GNAQ: variants seen among roughly 807,000 people sequenced by gnomAD.
GNAQ encodes G protein subunit alpha q.
GNAQ carries 8 observed loss-of-function variants against 43.9 expected under a neutral mutation model. The observed-to-expected ratio is 0.18, with a 90% confidence interval of 0.11 to 0.33. The LOEUF (loss-of-function observed/expected upper bound fraction) is 0.33. Among genes scored for constraint, GNAQ ranks in the 10% least tolerant of loss-of-function variants. The probability of loss-of-function intolerance (pLI) is 1.00; values close to 1 mark genes in which losing one functional copy is unlikely to be tolerated. For missense variants in GNAQ, 158 were observed against 450.8 expected (o/e 0.35, Z 5.88); for synonymous variants, 155 against 170.7 (o/e 0.91, Z 0.71).
At chr9:78,013,771 A>G (rs989382509) in intron 1 of GNAQ, among the ~76,000 whole-genome samples, 1 of 152,208 alleles carries the variant, frequency 6.6e-6, no homozygotes, top group Non-Finnish European at 1.5e-5. Context: ...TACCTGCCAG[A>G]ATGCCAAATC....
chr9:77,802,424 G>C (rs764920131), intron 3 of GNAQ, among the ~76,000 whole-genome samples: 2 of 152,010 alleles, frequency 1.3e-5, no homozygotes, highest in Non-Finnish European at 2.9e-5. Context: ...GTCACATACT[G>C]AGAAAAGGTA....
At position 77,719,155 on chromosome 9, in the gene GNAQ, T is replaced by C. The variant is rs569243846; in HGVS notation, c.*2168A>G. 4.3e-6 allele frequency: 1 copy of C among 231,262 alleles called. No individual in the cohort carries two copies. The highest frequency in any genetic ancestry group is 6.2e-5 in the East Asian group (1 of 16,258). 14.3% of individuals were successfully genotyped at this position (231,262 alleles called of 1,614,324 possible). On this transcript the variant is annotated 3_prime_UTR_variant, in exon 7 of 7. Transcript: ENST00000286548. ...TTCTTTTCTAAATGGAAAGAAAATA[T>C]CCCTAGTCAGAAATAAACTGACAAA...
intron 2 of GNAQ, among the ~76,000 whole-genome samples, chr9:77,916,685 T>G (rs886647774): frequency 1.3e-5 from 2 of 152,028 alleles, no homozygotes; most frequent in African/African-American, 2.4e-5. Context: ...GGCTAGTTTG[T>G]CAGAGACAGC....
In GNAQ at chr9:77,720,077, A is replaced by G. The variant is rs560614220; in HGVS notation, c.*1246T>C. The G allele has an allele frequency of 8.6e-6, 2 of 232,894 alleles. No homozygotes were observed. The highest frequency in any genetic ancestry group is 1.1e-4 in the Admixed American group (2 of 17,782). The allele number at this position is 232,894 out of a possible 1,614,324, so 14.4% of individuals were successfully genotyped here. The stretch of plus-strand genomic sequence containing the variant: ...GATTTCCTGTTAAACCACACAGGAT[A>G]CTTTTTACATTGCCGGTTTGGACAC... On this transcript the variant is annotated 3_prime_UTR_variant, in exon 7 of 7. Transcript: ENST00000286548.
chr9:77,922,839 T>C (rs1829017676), intron 1 of GNAQ, among the ~76,000 whole-genome samples: 1 of 151,854 alleles, frequency 6.6e-6, no homozygotes, highest in Non-Finnish European at 1.5e-5. Flanking sequence ...CCCTATTTTA[T>C]TTTTTTTAGA....
intron 3 of GNAQ, among the ~76,000 whole-genome samples, chr9:77,804,212 C>T (rs1451564652): frequency 1.3e-5 from 2 of 152,106 alleles, no homozygotes; most frequent in Non-Finnish European, 2.9e-5. Context: ...CCACCCCTCC[C>T]CCCACCTATG....
intron 5 of GNAQ, among the ~76,000 whole-genome samples, chr9:77,790,588 G>A (rs1424376857): frequency 5.3e-5 from 8 of 152,234 alleles, no homozygotes; most frequent in Non-Finnish European, 1.5e-5. Context: ...ACCAATTGGT[G>A]TAAGAAGAGC....
intron 2 of GNAQ, among the ~76,000 whole-genome samples, chr9:77,871,036 G>A (rs1828032485): frequency 6.6e-6 from 1 of 152,152 alleles, no homozygotes. Context: ...AGTGGTGGGT[G>A]CATGGTTCAT....
chr9:77,929,107 G>A (rs1297925129), intron 1 of GNAQ, among the ~76,000 whole-genome samples: 1 of 152,192 alleles, frequency 6.6e-6, no homozygotes, highest in Non-Finnish European at 1.5e-5. Context: ...ATAATTTGGA[G>A]AACAGGAAGT....
At chr9:77,959,563 G>A (rs1266876709) in intron 1 of GNAQ, among the ~76,000 whole-genome samples, 2 of 152,124 alleles carry the variant, frequency 1.3e-5, no homozygotes, top group Non-Finnish European at 2.9e-5. Flanking sequence ...CTGCATGAAA[G>A]TATGTTTTTT....
At chr9:77,928,928 G>A (rs943675232) in intron 1 of GNAQ, among the ~76,000 whole-genome samples, 2 of 152,130 alleles carry the variant, frequency 1.3e-5, no homozygotes, top group Admixed American at 6.5e-5. Flanking sequence ...TGAGGCAGGA[G>A]AATCACTTGA....
At chr9:77,971,078 G>A (rs1405403617) in intron 1 of GNAQ, among the ~76,000 whole-genome samples, 1 of 152,106 alleles carries the variant, frequency 6.6e-6, no homozygotes, top group Non-Finnish European at 1.5e-5. Flanking sequence ...ACTAAACCAG[G>A]AAGAAGTTGA....
chr9:78,001,772 A>C (rs776082357), intron 1 of GNAQ, among the ~76,000 whole-genome samples: 22 of 152,158 alleles, frequency 1.4e-4, no homozygotes, highest in Non-Finnish European at 2.6e-4. Flanking sequence ...TTAGTTTACA[A>C]ATAAAGAAGC....
chr9:77,879,310 C>A (rs942654454), intron 2 of GNAQ, among the ~76,000 whole-genome samples: 5 of 152,052 alleles, frequency 3.3e-5, no homozygotes, highest in Admixed American at 2.6e-4. Context: ...GTGGCCCAGG[C>A]TGGAGTGCAG....
At chr9:78,006,878 A>G (rs1048402071) in intron 1 of GNAQ, among the ~76,000 whole-genome samples, 1 of 152,142 alleles carries the variant, frequency 6.6e-6, no homozygotes, top group African/African-American at 2.4e-5. Context: ...GCCTGTCAGG[A>G]GTTCATTTCA....
intron 5 of GNAQ, among the ~76,000 whole-genome samples, chr9:77,769,128 C>T (rs984243433): frequency 2.6e-5 from 4 of 152,136 alleles, no homozygotes; most frequent in Admixed American, 2.0e-4. Flanking sequence ...CGGCCTGGTG[C>T]GGTGACTGCT....
intron 5 of GNAQ, among the ~76,000 whole-genome samples, chr9:77,738,323 A>G (rs1228521252): frequency 6.6e-6 from 1 of 151,968 alleles, no homozygotes. Context: ...CAAACCACAC[A>G]CACACACACA....
chr9:77,721,830 G>T (rs563769360), intron 6 of GNAQ, among the ~76,000 whole-genome samples: 2 of 152,156 alleles, frequency 1.3e-5, no homozygotes, highest in African/African-American at 2.4e-5. Flanking sequence ...TTCATCAGGG[G>T]AGTGATAGCT....
intron 1 of GNAQ, among the ~76,000 whole-genome samples, chr9:77,991,646 T>C (rs752564034): frequency 1.3e-5 from 2 of 152,156 alleles, no homozygotes; most frequent in Non-Finnish European, 2.9e-5. Flanking sequence ...AGGTGATTTC[T>C]GAGATTTTGG....
Sources: allele counts gnomAD v4.1 joint callset (sites outside exome capture counted in the v4.1 genomes callset), GRCh38; gene constraint gnomAD v4.1.1; transcripts MANE v1.5; gene names NCBI Gene and HGNC (gene_info 2026-07-23, HGNC 2026-07-21).